The following COP1 variants were observed in gnomAD, a reference collection of about 807,000 sequenced individuals.
COP1 encodes the protein COP1 E3 ubiquitin ligase.
A neutral mutation model predicts 101.3 loss-of-function variants in COP1; 24 were observed. The ratio of observed to expected loss-of-function variants is 0.24; its 90% confidence interval spans 0.17 to 0.33. The LOEUF is 0.33. COP1 is among the 10% of genes least tolerant of loss of function. The pLI, the probability that COP1 is intolerant of heterozygous loss-of-function variation, is 1.00. For synonymous variants in COP1, 347 were observed against 341.9 expected (o/e 1.01, Z -0.17); for missense variants, 663 against 906.2 (o/e 0.73, Z 3.45).
chr1:176,057,641 ATGGT>A (rs1480179120), intron 11 of COP1, among the ~76,000 whole-genome samples: 1 of 152,022 alleles, frequency 6.6e-6, no homozygotes, highest in African/African-American at 2.4e-5. Context: ...TCAGTGCTCA[ATGGT>A]GCCCAGGCTG....
At chr1:175,997,952 T>A (rs1336267312) in intron 15 of COP1, among the ~76,000 whole-genome samples, 1 of 151,136 alleles carries the variant, frequency 6.6e-6, no homozygotes, top group Non-Finnish European at 1.5e-5. Context: ...ATGCACACAT[T>A]ATGTTTATTG....
chr1:175,965,582 TG>T (rs371534954), intron 18 of COP1, among the ~76,000 whole-genome samples: 53 of 25,664 alleles, frequency 2.1e-3, no homozygotes, highest in Admixed American at 0.011. Flanking sequence ...TTTTTTGTTT[TG>T]TTTTTGTTTG....
intron 18 of COP1, among the ~76,000 whole-genome samples, chr1:175,951,100 T>A (rs1649831791): frequency 2.0e-5 from 3 of 151,668 alleles, no homozygotes; most frequent in African/African-American, 7.3e-5. Flanking sequence ...ACAAAAAAAA[T>A]TAGCCAGGCG....
chr1:175,966,235 A>G (rs910282232), intron 18 of COP1, among the ~76,000 whole-genome samples: 4 of 152,054 alleles, frequency 2.6e-5, no homozygotes, highest in African/African-American at 9.7e-5. Context: ...TCTATAAAAA[A>G]TCCAAGGGGG....
intron 15 of COP1, among the ~76,000 whole-genome samples, chr1:176,024,175 C>A (rs1286371572): frequency 6.6e-6 from 1 of 152,166 alleles, no homozygotes; most frequent in African/African-American, 2.4e-5. Context: ...ACGAGAATCA[C>A]TTGAGTCGGG....
At chr1:176,129,519 G>C (rs1419415935) in intron 8 of COP1, among the ~76,000 whole-genome samples, 1 of 151,756 alleles carries the variant, frequency 6.6e-6, no homozygotes, top group Non-Finnish European at 1.5e-5. Context: ...AGAGATTGTA[G>C]ATCAAAAAAT....
chr1:176,129,169 A>C, intron 8 of COP1, among the ~76,000 whole-genome samples: 1 of 152,000 alleles, frequency 6.6e-6, no homozygotes, highest in East Asian at 1.9e-4. Flanking sequence ...ACTATCCTAC[A>C]TATATATTTT....
At chr1:176,096,398 C>A (rs770854305) in intron 9 of COP1, among the ~76,000 whole-genome samples, 17 of 152,216 alleles carry the variant, frequency 1.1e-4, no homozygotes, top group Non-Finnish European at 2.1e-4. Context: ...ACTCCCCTTA[C>A]CTCCTGGTTT....
chr1:176,086,702 T>A (rs61820999), intron 9 of COP1, among the ~76,000 whole-genome samples: 16,497 of 152,174 alleles, frequency 0.11, 986 homozygotes, highest in Middle Eastern at 0.16. Context: ...ATTTATAAAT[T>A]CAATGCCATC....
intron 11 of COP1, among the ~76,000 whole-genome samples, chr1:176,077,913 G>GAAAAT (rs59994785): frequency 0.94 from 142,604 of 151,830 alleles, 67,415 homozygotes; most frequent in East Asian, 1. Flanking sequence ...TAGCCACAAA[G>GAAAAT]AAAATAACTA....
chr1:176,207,268 C>T lies in COP1; in HGVS notation c.-290G>A. 1 of 387,470 alleles carries T rather than the reference C, an allele frequency of 2.6e-6. No homozygotes were observed. The highest frequency in any genetic ancestry group is 3.6e-5 in the East Asian group (1 of 27,432). The allele number at this position is 387,470 out of a possible 1,614,324, so 24.0% of individuals were successfully genotyped here. On this transcript the variant is annotated 5_prime_UTR_variant, in exon 1 of 20. Transcript: ENST00000367669. ...CCAACCCCGGCGCGCCGTGGCCGGC[C>T]GTGCGCGCGCGCGCGAGCGGCGGAA...
chr1:176,019,147 C>T (rs1666213273), intron 15 of COP1, among the ~76,000 whole-genome samples: 1 of 150,942 alleles, frequency 6.6e-6, no homozygotes, highest in Non-Finnish European at 1.5e-5. Context: ...GCTTGGGCAA[C>T]AGAGCGAGAA....
chr1:175,988,340 G>A lies in COP1; in HGVS notation c.1920C>T (p.Ile640=), dbSNP rs1657605576. The A allele has an allele frequency of 6.2e-7, 1 of 1,612,106 alleles. No homozygotes were observed. The highest frequency in any genetic ancestry group is 8.5e-7 in the Non-Finnish European group (1 of 1,178,620). The change falls in exon 17 of 20, where the codon ATC becomes ATT. Residue 640 remains isoleucine (I), a synonymous_variant. Transcript: ENST00000367669. The part of the protein sequence containing the change: ...PYCLRSFKGH[I]NEKNFVGLAS... ...CCAGGCCTACAAAGTTTTTTTCATT[G>A]ATATGACCCTTGAAGGAACGTAGGC...
At chr1:176,056,479 G>A (rs549221193) in intron 11 of COP1, among the ~76,000 whole-genome samples, 1 of 152,174 alleles carries the variant, frequency 6.6e-6, no homozygotes, top group South Asian at 2.1e-4. Context: ...TTAAACTTCA[G>A]TGCAGACTGA....
At chr1:176,205,450 C>G (rs1432380562) in intron 1 of COP1, among the ~76,000 whole-genome samples, 1 of 152,180 alleles carries the variant, frequency 6.6e-6, no homozygotes, top group Non-Finnish European at 1.5e-5. Flanking sequence ...ACTTCTAGCT[C>G]TATCTTATTT....
intron 18 of COP1, among the ~76,000 whole-genome samples, chr1:175,958,668 G>A (rs531175333): frequency 1.5e-5 from 2 of 137,428 alleles, no homozygotes; most frequent in African/African-American, 4.9e-5. Flanking sequence ...CCCTCAGAAT[G>A]AGAATAAATA....
intron 1 of COP1, among the ~76,000 whole-genome samples, chr1:176,192,826 A>G (rs1424051126): frequency 6.6e-6 from 1 of 152,196 alleles, no homozygotes; most frequent in Non-Finnish European, 1.5e-5. Flanking sequence ...GAAATCTCCA[A>G]AATGCATGGG....
intron 15 of COP1, among the ~76,000 whole-genome samples, chr1:175,997,429 A>G (rs1344278609): frequency 6.6e-6 from 1 of 152,208 alleles, no homozygotes; most frequent in South Asian, 2.1e-4. Context: ...GCTTCTGCAC[A>G]GCAAAAGAAA....
chr1:176,171,767 A>G (rs2101871042), intron 3 of COP1, among the ~76,000 whole-genome samples: 1 of 152,336 alleles, frequency 6.6e-6, no homozygotes, highest in South Asian at 2.1e-4. Flanking sequence ...TTGTTACAGA[A>G]AAGTACTACA....
Sources: allele counts gnomAD v4.1 joint callset (sites outside exome capture counted in the v4.1 genomes callset), GRCh38; gene constraint gnomAD v4.1.1; transcripts MANE v1.5; gene names NCBI Gene and HGNC (gene_info 2026-07-23, HGNC 2026-07-21).